DCAF1: variants seen among roughly 807,000 people sequenced by gnomAD.
DCAF1 encodes DDB1 and CUL4 associated factor 1.
DCAF1 carries 15 observed loss-of-function variants against 128.0 expected under a neutral mutation model. The ratio of observed to expected loss-of-function variants is 0.12; its 90% confidence interval spans 0.08 to 0.18. DCAF1 has a LOEUF of 0.18. DCAF1 is among the 10% of genes least tolerant of loss of function. DCAF1 has a pLI of 1.00. For missense variants in DCAF1, 988 were observed against 1,649.5 expected (o/e 0.60, Z 6.95); for synonymous variants, 610 against 603.0 (o/e 1.01, Z -0.17).
intron 8 of DCAF1, 37 bp from the exon 9 acceptor site, chr3:51,441,108 C>CT (rs1553638524): frequency 4.5e-6 from 7 of 1,560,908 alleles, no homozygotes; most frequent in Non-Finnish European, 6.1e-6. Flanking sequence ...TAAATTTTGG[C>CT]TTTATTGTCA....
At chr3:51,415,903 C>T (rs1479975919) in intron 18 of DCAF1, among the ~76,000 whole-genome samples, 1 of 152,086 alleles carries the variant, frequency 6.6e-6, no homozygotes, top group Admixed American at 6.5e-5. Context: ...CTTTTGTATT[C>T]AATCCCCATT....
At chr3:51,473,527 A>G (rs1263633290) in intron 3 of DCAF1, among the ~76,000 whole-genome samples, 1 of 145,470 alleles carries the variant, frequency 6.9e-6, no homozygotes, top group Non-Finnish European at 1.5e-5. Flanking sequence ...CAAAAACCAG[A>G]AAAAAAAAAC....
chr3:51,420,480 T>C lies in DCAF1; in HGVS notation c.2490A>G (p.Ala830=). ...PLLIGTDVSL[A]RLQKADVVAQ... Reference sequence around the variant, plus strand: ...CAACAACATCTGCTTTCTGCAGTCGTGCTAGGGAAACATCAGTGCCAATGA... The same window carrying C: ...CAACAACATCTGCTTTCTGCAGTCGCGCTAGGGAAACATCAGTGCCAATGA... The change falls in exon 15 of 25, where the codon GCA becomes GCG. Residue 830 remains alanine (A), a synonymous_variant. Coordinates refer to ENST00000684031, the MANE Select transcript of DCAF1 (RefSeq NM_001387579.1). This position sits in a 1 kb window ranked among gnomAD's most constrained non-coding sequence, Gnocchi z 6.5. 1 of 1,614,004 alleles carries C rather than the reference T, an allele frequency of 6.2e-7. No homozygotes were observed. Among genetic ancestry groups the C allele is most frequent in the Non-Finnish European group, 8.5e-7 (1 of 1,179,880 alleles).
At chr3:51,403,612 G>A (rs2089898729) in intron 23 of DCAF1, among the ~76,000 whole-genome samples, 1 of 152,206 alleles carries the variant, frequency 6.6e-6, no homozygotes, top group Non-Finnish European at 1.5e-5. Flanking sequence ...CTCAGACAAG[G>A]ATTAATGGTC....
intron 2 of DCAF1, among the ~76,000 whole-genome samples, chr3:51,487,494 G>T (rs1398174156): frequency 6.6e-6 from 1 of 152,108 alleles, no homozygotes; most frequent in East Asian, 1.9e-4. Flanking sequence ...TTTGTTCCAT[G>T]ATCTCATCTA....
At chr3:51,467,995 C>A (rs1296747311) in intron 4 of DCAF1, among the ~76,000 whole-genome samples, 12 of 152,274 alleles carry the variant, frequency 7.9e-5, no homozygotes, top group African/African-American at 2.9e-4. Flanking sequence ...GTAAGGACAC[C>A]CTGGGTCAGG....
At chr3:51,401,312 T>G (rs1553624889) in intron 24 of DCAF1, among the ~76,000 whole-genome samples, 1 of 152,142 alleles carries the variant, frequency 6.6e-6, no homozygotes, top group Non-Finnish European at 1.5e-5. Flanking sequence ...AAAAGGGCTC[T>G]TCATAAGCCC....
chr3:51,448,553 A>C (rs922198562), intron 6 of DCAF1, among the ~76,000 whole-genome samples: 1 of 152,176 alleles, frequency 6.6e-6, no homozygotes, highest in African/African-American at 2.4e-5. Context: ...CCGTAACTAT[A>C]ATTTTTGTTT....
Position 51,479,791 on chromosome 3 carries a change from G to A in DCAF1, c.110+3928C>T, listed in dbSNP as rs575915261. Among the ~76,000 whole-genome samples the A allele has an allele frequency of 4.6e-5, 7 of 152,050 alleles. No individual in the cohort carries two copies. The South Asian group carries it at 1.0e-3, about 23-fold the overall frequency. ...AGCCCAGGCAACAGAGCGAGACTCC[G>A]TCTCAAAAAATAAAATAAAATAAAA... On this transcript the variant is annotated intron_variant, in intron 3 of 24. Coordinates refer to ENST00000684031, the MANE Select transcript of DCAF1 (RefSeq NM_001387579.1).
intron 23 of DCAF1, among the ~76,000 whole-genome samples, chr3:51,404,464 T>C (rs782773375): frequency 6.6e-6 from 1 of 152,234 alleles, no homozygotes; most frequent in Non-Finnish European, 1.5e-5. Context: ...TTGAAGGTGT[T>C]ATTGCCTGCC....
At chr3:51,468,412 T>C (rs1312313631) in intron 4 of DCAF1, among the ~76,000 whole-genome samples, 1 of 152,202 alleles carries the variant, frequency 6.6e-6, no homozygotes, top group East Asian at 1.9e-4. Context: ...CCTCAGGTGA[T>C]GTGCCCGCCT....
At chr3:51,500,468 G>A (rs1446340558), upstream of DCAF1, among the ~76,000 whole-genome samples, 3 of 152,196 alleles carry the variant, frequency 2.0e-5, no homozygotes, top group Admixed American at 6.6e-5. Flanking sequence ...CGTGATCTAA[G>A]AAAATATTTC....
At chr3:51,444,209 T>C (rs1210213498) in intron 6 of DCAF1, among the ~76,000 whole-genome samples, 2 of 152,158 alleles carry the variant, frequency 1.3e-5, no homozygotes, top group African/African-American at 2.4e-5. Context: ...CTAATCTAGA[T>C]GTTAACTCCC....
chr3:51,396,044 G>A, downstream of DCAF1: 1 of 411,918 alleles, frequency 2.4e-6, no homozygotes, highest in Non-Finnish European at 4.4e-6. Context: ...ACACTGCAGT[G>A]GTTTTCCTGC....
chr3:51,497,579 T>C (rs1708367134), intron 1 of DCAF1, among the ~76,000 whole-genome samples: 2 of 148,226 alleles, frequency 1.3e-5, no homozygotes, highest in Admixed American at 6.8e-5. Flanking sequence ...AGAGCAAGAC[T>C]CCGTCTCAAA....
intron 6 of DCAF1, among the ~76,000 whole-genome samples, chr3:51,449,512 G>A (rs544447329): frequency 6.6e-6 from 1 of 152,226 alleles, no homozygotes; most frequent in East Asian, 1.9e-4. Flanking sequence ...CGGCCAGAAT[G>A]ATATTTATAG....
At chr3:51,480,664 G>A (rs1165672313) in intron 3 of DCAF1, among the ~76,000 whole-genome samples, 1 of 147,502 alleles carries the variant, frequency 6.8e-6, no homozygotes, top group Non-Finnish European at 1.5e-5. Context: ...GGAGAAAAAA[G>A]AGGCCATCCT....
intron 7 of DCAF1, 58 bp downstream of exon 7, chr3:51,443,708 A>C: frequency 6.8e-7 from 1 of 1,470,868 alleles, no homozygotes; most frequent in South Asian, 1.4e-5. Context: ...TTCAAGTAAC[A>C]AGAACCTGTG....
chr3:51,463,099 C>G lies in DCAF1; in HGVS notation c.375+15G>C, dbSNP rs782611828. On this transcript the variant is annotated intron_variant, in intron 6 of 24. Coordinates refer to ENST00000684031, the MANE Select transcript of DCAF1 (RefSeq NM_001387579.1). Reference sequence around the variant, plus strand: ...ATTACAAAATAAAATTATGACTTTACTTTTCACTAAGTACCTTTTCTTGAA... The same window carrying G: ...ATTACAAAATAAAATTATGACTTTAGTTTTCACTAAGTACCTTTTCTTGAA... 24 of 1,536,118 alleles carry G rather than the reference C, an allele frequency of 1.6e-5. No homozygotes were observed. Among genetic ancestry groups the G allele is most frequent in the Non-Finnish European group, 1.9e-5 (22 of 1,134,068 alleles).
Sources: gnomAD v4.1 joint callset for allele counts (sites outside exome capture counted in the v4.1 genomes callset) on GRCh38, gnomAD v4.1.1 for gene constraint, Gnocchi (gnomAD v3.1) non-coding constraint, MANE v1.5 for transcripts, NCBI Gene and HGNC (gene_info 2026-07-23, HGNC 2026-07-21) for gene names.